The following CNGB3 variants were observed in gnomAD, a reference collection of about 807,000 sequenced individuals.
CNGB3 encodes cyclic nucleotide gated channel subunit beta 3, also known as cyclic nucleotide-gated channel beta-3.
CNGB3 carries 86 observed loss-of-function variants against 92.8 expected under a neutral mutation model. The ratio of observed to expected loss-of-function variants is 0.93; its 90% confidence interval spans 0.78 to 1.11. The LOEUF (loss-of-function observed/expected upper bound fraction) is 1.11. Ranked by LOEUF, CNGB3 falls within the 50% of genes least tolerant of loss-of-function variation. The pLI, the probability that CNGB3 is intolerant of heterozygous loss-of-function variation, is 0.00. For missense variants in CNGB3, 1,026 were observed against 956.8 expected, an observed-to-expected ratio of 1.07 and a Z score of -0.95; for synonymous variants, 333 against 332.7, an observed-to-expected ratio of 1.00 and a Z score of -0.01.
intron 3 of CNGB3, among the ~76,000 whole-genome samples, chr8:86,703,258 C>T (rs1183870008): frequency 1.3e-5 from 2 of 151,906 alleles, no homozygotes; most frequent in Non-Finnish European, 2.9e-5. Context: ...TTATTTATCG[C>T]TTTATTATAG....
At chr8:86,660,429 T>C in intron 6 of CNGB3, 1 of 487,496 alleles carries the variant, frequency 2.1e-6, no homozygotes, top group Non-Finnish European at 4.2e-6. Flanking sequence ...GAACTCAGAA[T>C]AGGGTGTGGT....
rs558464020 is a variant in CNGB3, at chr8:86,735,243, C to T, written c.211+4412G>A. On this transcript the variant is annotated intron_variant, in intron 2 of 17. Coordinates refer to ENST00000320005, the MANE Select transcript of CNGB3 (RefSeq NM_019098.5). Reference sequence around the variant, plus strand: ...CTGCAAGCTCCGCTTCCAGGGTTCACGCCATTCTCCTGCCTCAGCCTCCCG... The same window carrying T: ...CTGCAAGCTCCGCTTCCAGGGTTCATGCCATTCTCCTGCCTCAGCCTCCCG... Among the ~76,000 whole-genome samples the T allele has an allele frequency of 1.0e-3, 151 of 145,308 alleles. 2 individuals are homozygous for T. In the South Asian group the frequency reaches 0.018, roughly 18 times the overall value.
intron 3 of CNGB3, among the ~76,000 whole-genome samples, chr8:86,714,521 A>C (rs1219819786): frequency 6.6e-6 from 1 of 152,180 alleles, no homozygotes; most frequent in African/African-American, 2.4e-5. Flanking sequence ...AGAAGATGGG[A>C]GATAGGAGGC....
chr8:86,620,564 C>CT (rs1050763299), intron 13 of CNGB3, among the ~76,000 whole-genome samples: 9 of 152,164 alleles, frequency 5.9e-5, no homozygotes, highest in African/African-American at 2.2e-4. Context: ...CAGGTTAATA[C>CT]TTTTACATGC....
At chr8:86,611,545 ATGCATTTATTAGTTG>A in intron 14 of CNGB3, 28 bp downstream of exon 14, 1 of 1,467,532 alleles carries the variant, frequency 6.8e-7, no homozygotes, top group Non-Finnish European at 9.6e-7. Context: ...AAATCCTCAA[ATGCATTTATTAGTTG>A]TGCATTTGAA....
In CNGB3 at chr8:86,701,780, G is replaced by A. The variant is rs934857342; in HGVS notation, c.338+24751C>T. On this transcript the variant is annotated intron_variant, in intron 3 of 17. Transcript: ENST00000320005. ...CTACTGGGAAATGGTCAATTCCCCTGAAGTATTTTTATACTCATTTGTTAC... is the reference window on the plus strand; with the variant it reads ...CTACTGGGAAATGGTCAATTCCCCTAAAGTATTTTTATACTCATTTGTTAC... Among the ~76,000 whole-genome samples the A allele has an allele frequency of 3.3e-5, 5 of 152,206 alleles. No homozygotes were observed. The East Asian group carries it at 9.6e-4, about 29-fold the overall frequency.
In CNGB3 at chr8:86,576,103, C is replaced by T. The variant is rs1184824947; in HGVS notation, c.2131G>A (p.Glu711Lys). 6.2e-7 allele frequency: 1 copy of T among 1,603,430 alleles called. No homozygotes were observed. The highest frequency in any genetic ancestry group is 8.5e-7 in the Non-Finnish European group (1 of 1,177,198). The change falls in exon 18 of 18, where the codon GAA becomes AAA. Residue 711 changes from glutamate to lysine, a missense_variant. Coordinates refer to ENST00000320005, the MANE Select transcript of CNGB3 (RefSeq NM_019098.5). ...TTATCTTCATTTTCTTTTCCTTCTT[C>T]CTCTCCTCCTTCAGAATTTTCTTTC... ...QKKENSEGGE[E>K]EGKENEDKQK...
In CNGB3 at chr8:86,599,790, C is replaced by T. The variant is rs1033281795; in HGVS notation, c.1781+4303G>A. ...TGATAAGATGTTATCAATGACCATGCGTGCCTGAAACTTCATTAGCAATTT... is the reference window on the plus strand; with the variant it reads ...TGATAAGATGTTATCAATGACCATGTGTGCCTGAAACTTCATTAGCAATTT... On this transcript the variant is annotated intron_variant, in intron 15 of 17. Transcript: ENST00000320005. 4.6e-5 allele frequency among the ~76,000 whole-genome samples: 7 copies of T among 152,298 alleles called. No homozygotes were observed. In the South Asian group the frequency reaches 6.2e-4, roughly 14 times the overall value.
chr8:86,651,456 T>C (rs535400335), intron 7 of CNGB3, among the ~76,000 whole-genome samples: 1 of 152,040 alleles, frequency 6.6e-6, no homozygotes, highest in South Asian at 2.1e-4. Context: ...TCAAACCTCA[T>C]TGATTTCACT....
intron 15 of CNGB3, among the ~76,000 whole-genome samples, chr8:86,595,565 C>T (rs541007160): frequency 6.6e-6 from 1 of 152,270 alleles, no homozygotes; most frequent in South Asian, 2.1e-4. Flanking sequence ...ACTCTTAACA[C>T]AGGTAGTGCT....
chr8:86,692,187 G>T (rs1452079295), intron 3 of CNGB3, among the ~76,000 whole-genome samples: 2 of 152,156 alleles, frequency 1.3e-5, no homozygotes, highest in Admixed American at 1.3e-4. Context: ...CTTATGAAAA[G>T]AATGTATAGT....
intron 3 of CNGB3, among the ~76,000 whole-genome samples, chr8:86,672,400 A>G (rs1823879027): frequency 6.6e-6 from 1 of 152,136 alleles, no homozygotes; most frequent in African/African-American, 2.4e-5. Flanking sequence ...TCCCCAGCCA[A>G]TGAACTTCCT....
chr8:86,579,301 A>G (rs897379929), intron 15 of CNGB3, 49 bp from the exon 16 acceptor site: 1 of 1,605,476 alleles, frequency 6.2e-7, no homozygotes, highest in Non-Finnish European at 8.5e-7. Flanking sequence ...GTTTTCCTCC[A>G]CTGAAATCTC....
At chr8:86,690,150 A>G (rs548372385) in intron 3 of CNGB3, among the ~76,000 whole-genome samples, 249 of 152,326 alleles carry the variant, frequency 1.6e-3, no homozygotes, top group African/African-American at 5.1e-3. Flanking sequence ...TGACTTCCAC[A>G]ATGGTTGAAC....
chr8:86,732,097 A>G (rs935066892), intron 2 of CNGB3, among the ~76,000 whole-genome samples: 2 of 152,214 alleles, frequency 1.3e-5, no homozygotes, highest in Non-Finnish European at 2.9e-5. Context: ...AATCCATCCT[A>G]TCCACATTGG....
chr8:86,644,068 A>G (rs1335731002), intron 9 of CNGB3, among the ~76,000 whole-genome samples, 195 bp from the exon 10 acceptor site: 1 of 150,860 alleles, frequency 6.6e-6, no homozygotes, highest in Non-Finnish European at 1.5e-5. Context: ...TGGGATTGAC[A>G]GAGTGTAAAG....
chr8:86,664,186 C>T (rs539788661), intron 6 of CNGB3, among the ~76,000 whole-genome samples: 8 of 152,094 alleles, frequency 5.3e-5, no homozygotes, highest in Non-Finnish European at 1.0e-4. Context: ...TTGGCTTTTG[C>T]CTTTAGTATT....
intron 7 of CNGB3, 77 bp downstream of exon 7, chr8:86,653,935 T>C (rs1823452864): frequency 2.0e-6 from 2 of 999,078 alleles, no homozygotes; most frequent in Non-Finnish European, 1.6e-6. Flanking sequence ...ACTTTGTTTA[T>C]AGAAATCTAT....
chr8:86,651,784 G>A (rs1229635402), intron 7 of CNGB3, among the ~76,000 whole-genome samples: 1 of 151,930 alleles, frequency 6.6e-6, no homozygotes, highest in African/African-American at 2.4e-5. Flanking sequence ...AAGACAATTT[G>A]CAAAGCATGT....
Sources: gnomAD v4.1 joint callset for allele counts (sites outside exome capture counted in the v4.1 genomes callset) on GRCh38, gnomAD v4.1.1 for gene constraint, MANE v1.5 for transcripts, NCBI Gene and HGNC (gene_info 2026-07-23, HGNC 2026-07-21) for gene names.